The following ACOT1 variants were observed in gnomAD, a reference collection of about 807,000 sequenced individuals.
ACOT1 encodes the protein acyl-coenzyme A thioesterase 1.
ACOT1 carries 8 observed loss-of-function variants against 15.7 expected under a neutral mutation model. The observed-to-expected ratio is 0.51, with a 90% CI of 0.30 to 0.92. The LOEUF (loss-of-function observed/expected upper bound fraction) is 0.92, where lower values mean the gene tolerates loss of function less well. ACOT1 is among the 40% of genes least tolerant of loss of function. The pLI, the probability that ACOT1 is intolerant of heterozygous loss-of-function variation, is 0.06. For synonymous variants in ACOT1, 67 were observed against 241.2 expected (o/e 0.28, Z 6.69); for missense variants, 151 against 539.4 (o/e 0.28, Z 7.13).
chr14:73,522,995 G>A, the ACOT1 span: 1 of 1,614,000 alleles, frequency 6.2e-7, no homozygotes, highest in Non-Finnish European at 8.5e-7. Flanking sequence ...ACGGTACTGT[G>A]AGCTGAAGAA....
chr14:73,522,470 G>A, the ACOT1 span: 1 of 1,614,218 alleles, frequency 6.2e-7, no homozygotes, highest in Non-Finnish European at 8.5e-7. Context: ...GTTGGGGGAT[G>A]CCCCAGGCCT....
chr14:73,499,260 C>T, the ACOT1 span: 1 of 808,430 alleles, frequency 1.2e-6, no homozygotes, highest in Non-Finnish European at 2.2e-6. Flanking sequence ...GTGGGCGGAT[C>T]ACTTGACATC....
At chr14:73,522,554 C>T in the ACOT1 span, 1 of 1,614,176 alleles carries the variant, frequency 6.2e-7, no homozygotes. Flanking sequence ...CTCCCACGCT[C>T]TGGCCTCCTT....
At chr14:73,506,804 G>GTTTTTTTTTTGTTTTTTTTT in the ACOT1 span, among the ~76,000 whole-genome samples, 10 of 80,490 alleles carry the variant, frequency 1.2e-4, 2 homozygotes, top group East Asian at 5.2e-3. Context: ...GACTTTAACT[G>GTTTTTTTTTTGTTTTTTTTT]TTTTTTTTTT....
chr14:73,498,050 T>C, the ACOT1 span: 11 of 1,057,494 alleles, frequency 1.0e-5, no homozygotes, highest in Non-Finnish European at 1.5e-5. Flanking sequence ...ACCAGTGCTT[T>C]TACTGCCATT....
At chr14:73,516,868 C>T in the ACOT1 span, among the ~76,000 whole-genome samples, 1 of 152,190 alleles carries the variant, frequency 6.6e-6, no homozygotes, top group Non-Finnish European at 1.5e-5. Context: ...GAGGTGGAAC[C>T]ATTTCATCCT....
the ACOT1 span, chr14:73,491,347 C>T: frequency 1.4e-6 from 2 of 1,439,196 alleles, no homozygotes; most frequent in African/African-American, 1.5e-5. Flanking sequence ...AGGCCTCGCC[C>T]GCCGCGCGCT....
chr14:73,506,318 T>C, the ACOT1 span: 3 of 614,106 alleles, frequency 4.9e-6, no homozygotes, highest in South Asian at 1.9e-5. Context: ...CATTTGAAGA[T>C]AATTCTGGGC....
At chr14:73,495,164 T>C in the ACOT1 span, 14 of 1,468,516 alleles carry the variant, frequency 9.5e-6, 1 homozygote, top group Admixed American at 2.7e-4. Flanking sequence ...TCCCAAAACA[T>C]CCAGATCCTG....
chr14:73,523,112 C>T, the ACOT1 span: 72,860 of 1,607,970 alleles, frequency 0.045, 1,888 homozygotes, highest in Middle Eastern at 0.074. Context: ...CTGATAGAAG[C>T]AATGGGGGAG....
the ACOT1 span, among the ~76,000 whole-genome samples, chr14:73,510,718 G>A: frequency 2.0e-5 from 3 of 152,324 alleles, no homozygotes; most frequent in Admixed American, 2.0e-4. Flanking sequence ...TTACAAGTGT[G>A]AGCCACCACA....
chr14:73,492,759 A>T, the ACOT1 span: 1 of 1,613,936 alleles, frequency 6.2e-7, no homozygotes, highest in Non-Finnish European at 8.5e-7. This position sits in a 1 kb window ranked among gnomAD's most constrained non-coding sequence, Gnocchi z 4.9. Flanking sequence ...CATCTGGAAG[A>T]ACCCAAGTGC....
upstream of ACOT1, among the ~76,000 whole-genome samples, chr14:73,532,853 G>C (rs1232196689): frequency 8.8e-6 from 1 of 113,644 alleles, no homozygotes; most frequent in African/African-American, 2.9e-5. Flanking sequence ...CTACTTGGAG[G>C]CTGAGGCAGG....
chr14:73,520,278 G>A, the ACOT1 span: 306 of 152,350 alleles, frequency 2.0e-3, 3 homozygotes, highest in Non-Finnish European at 3.5e-3. Context: ...AACATTTACT[G>A]AACACCTTAA....
chr14:73,492,621 C>G, the ACOT1 span: 1 of 1,613,878 alleles, frequency 6.2e-7, no homozygotes, highest in East Asian at 2.2e-5. The surrounding 1 kb of genome is among the most constrained non-coding windows in gnomAD (Gnocchi z 4.9). Context: ...GCTGGAGAAC[C>G]TGTAAACGTG....
At chr14:73,526,638 T>G in the ACOT1 span, among the ~76,000 whole-genome samples, 1 of 152,194 alleles carries the variant, frequency 6.6e-6, no homozygotes, top group Non-Finnish European at 1.5e-5. Flanking sequence ...ATCCTGAGGC[T>G]CCTGATTCCA....
At chr14:73,496,765 G>A in the ACOT1 span, 9 of 757,712 alleles carry the variant, frequency 1.2e-5, no homozygotes, top group African/African-American at 5.2e-5. Context: ...TTGGAATCAG[G>A]TAAGAATCCC....
chr14:73,500,340 C>T, the ACOT1 span, among the ~76,000 whole-genome samples: 11 of 151,146 alleles, frequency 7.3e-5, no homozygotes, highest in African/African-American at 2.7e-4. Context: ...ATATGTGGCC[C>T]AAGACAATTC....
At chr14:73,500,507 T>A in the ACOT1 span, 1 of 1,583,156 alleles carries the variant, frequency 6.3e-7, no homozygotes, top group Non-Finnish European at 8.6e-7. Flanking sequence ...AATGCCCTCT[T>A]CAGGTCAATC....
Sources: allele counts gnomAD v4.1 joint callset (sites outside exome capture counted in the v4.1 genomes callset), GRCh38; gene constraint gnomAD v4.1.1; non-coding constraint Gnocchi (gnomAD v3.1); transcripts MANE v1.5; gene names NCBI Gene and HGNC (gene_info 2026-07-23, HGNC 2026-07-21).